The following SPATA6 variants were observed in gnomAD, a reference collection of about 807,000 sequenced individuals.
SPATA6 encodes the protein spermatogenesis-associated protein 6.
In SPATA6, 56 loss-of-function variants were observed where a neutral mutation model predicts 65.3. That is an observed-to-expected ratio of 0.86 (90% CI 0.69 to 1.07). The LOEUF (loss-of-function observed/expected upper bound fraction) is 1.07. Among genes scored for constraint, SPATA6 ranks in the 50% least tolerant of loss-of-function variants. The pLI is 0.00. For missense variants in SPATA6, 590 were observed against 594.8 expected (o/e 0.99, Z 0.08); for synonymous variants, 199 against 213.2 (o/e 0.93, Z 0.58).
intron 3 of SPATA6, among the ~76,000 whole-genome samples, chr1:48,439,817 A>C (rs1184075973): frequency 1.3e-5 from 2 of 152,196 alleles, no homozygotes; most frequent in African/African-American, 4.8e-5. Context: ...CTGAAAAAGC[A>C]GCAGCTTATT....
chr1:48,286,663 G>A, the SPATA6 span, among the ~76,000 whole-genome samples: 159 of 152,012 alleles, frequency 1.0e-3, no homozygotes, highest in African/African-American at 3.7e-3. Flanking sequence ...GATTATTCTG[G>A]CTAGGTAATA....
chr1:48,403,808 G>C lies in SPATA6; in HGVS notation c.480C>G (p.His160Gln). Residue 160 changes from histidine (H) to glutamine (Q), a missense_variant, in exon 6 of 13, where the codon CAC (histidine) becomes CAG (glutamine). Transcript: ENST00000371847. Reference sequence around the variant, plus strand: ...TTATACAAATAATTTTAACCTGAGTGTGGCATTTCCTTGAACTTATCAGAC... The same window carrying C: ...TTATACAAATAATTTTAACCTGAGTCTGGCATTTCCTTGAACTTATCAGAC... ...TECLISSRKC[H>Q]TQDKFIYHLA... is the part of the protein sequence containing the mutation. 1 of 1,603,606 alleles carries C rather than the reference G, an allele frequency of 6.2e-7. No homozygotes were observed. Among genetic ancestry groups the C allele is most frequent in the Non-Finnish European group, 8.5e-7 (1 of 1,175,366 alleles).
intron 8 of SPATA6, among the ~76,000 whole-genome samples, chr1:48,394,663 T>C (rs1375313145): frequency 3.3e-5 from 5 of 151,878 alleles, no homozygotes; most frequent in Non-Finnish European, 4.4e-5. Context: ...AATGATTTTA[T>C]TTTTTTTCAC....
intron 11 of SPATA6, among the ~76,000 whole-genome samples, chr1:48,316,749 C>T (rs367719759): frequency 6.6e-6 from 1 of 152,020 alleles, no homozygotes; most frequent in Non-Finnish European, 1.5e-5. Flanking sequence ...ACAGGCAACC[C>T]ACAGAATGGG....
rs550666956 is a variant in SPATA6, at chr1:48,384,415, A to G, written c.909+894T>C. 4.7e-4 allele frequency among the ~76,000 whole-genome samples: 39 copies of G among 82,636 alleles called. 1 individual carries two copies. The highest frequency in any genetic ancestry group is 2.2e-3 in the African/African-American group (32 of 14,382). The allele number at this position is 82,636 out of a possible 152,430, so 54.2% of individuals were successfully genotyped here. A position where few individuals can be genotyped will look rare whatever the true frequency, so the allele number is the denominator to read the frequency against. ...GAGAGGGAGAGGGAGAGGGAGAGGG[A>G]GAGGGAGAGGGGTTTTTCTTTTGTT... On this transcript the variant is annotated intron_variant, in intron 9 of 12. Transcript: ENST00000371847.
intron 1 of SPATA6, among the ~76,000 whole-genome samples, chr1:48,470,900 TAAG>T (rs1658187961): frequency 6.6e-6 from 1 of 152,034 alleles, no homozygotes; most frequent in East Asian, 1.9e-4. Context: ...ACTTACTGAG[TAAG>T]AAGGAGCGAA....
At chr1:48,454,452 T>C (rs1048943866) in intron 1 of SPATA6, among the ~76,000 whole-genome samples, 2 of 152,180 alleles carry the variant, frequency 1.3e-5, no homozygotes, top group Non-Finnish European at 2.9e-5. Flanking sequence ...GAACATCTCC[T>C]ACACCAAATT....
chr1:48,288,275 G>A, the SPATA6 span, among the ~76,000 whole-genome samples: 1 of 152,138 alleles, frequency 6.6e-6, no homozygotes, highest in African/African-American at 2.4e-5. Flanking sequence ...AAGTGTCTTT[G>A]GAACTGGATC....
chr1:48,354,354 T>C (rs914193123), intron 11 of SPATA6, among the ~76,000 whole-genome samples: 3 of 152,114 alleles, frequency 2.0e-5, no homozygotes, highest in African/African-American at 7.2e-5. Context: ...AAGCTGAGTG[T>C]ACATTCCCTC....
intron 11 of SPATA6, among the ~76,000 whole-genome samples, chr1:48,313,308 C>G (rs1219185602): frequency 2.0e-5 from 3 of 152,164 alleles, no homozygotes; most frequent in African/African-American, 7.2e-5. Flanking sequence ...GGTCGGGTTA[C>G]CCACAAAGGG....
chr1:48,430,451 C>G (rs1378718064), intron 3 of SPATA6, among the ~76,000 whole-genome samples: 1 of 152,110 alleles, frequency 6.6e-6, no homozygotes, highest in Admixed American at 6.5e-5. Context: ...TTTATTACCA[C>G]TAGACCTGTC....
chr1:48,294,121 G>A (rs1644785622), downstream of SPATA6, among the ~76,000 whole-genome samples: 1 of 152,148 alleles, frequency 6.6e-6, no homozygotes, highest in African/African-American at 2.4e-5. Context: ...CTGTCACCTA[G>A]GCTGAAGTGC....
At chr1:48,436,862 C>G (rs1654989160) in intron 3 of SPATA6, 1 of 1,612,302 alleles carries the variant, frequency 6.2e-7, no homozygotes, top group Non-Finnish European at 8.5e-7. Flanking sequence ...CAATCAGAAT[C>G]CAGAATGAAA....
rs1651414897 is a variant in SPATA6 at position 48,403,795 on chromosome 1, T to A, written c.486+7A>T. 1.3e-6 allele frequency: 2 copies of A among 1,594,904 alleles called. No homozygotes were observed. The highest frequency in any genetic ancestry group is 1.1e-5 in the South Asian group (1 of 87,692). On this transcript the variant is annotated splice_region_variant and intron_variant, in intron 6 of 12. Transcript: ENST00000371847. ...ACCATTAAATACTTTATACAAATAA[T>A]TTTAACCTGAGTGTGGCATTTCCTT...
chr1:48,267,045 G>T, the SPATA6 span, among the ~76,000 whole-genome samples: 3 of 151,860 alleles, frequency 2.0e-5, no homozygotes, highest in East Asian at 5.8e-4. Flanking sequence ...AAATATTTTA[G>T]ATGAGTCAAA....
intron 9 of SPATA6, among the ~76,000 whole-genome samples, chr1:48,371,304 TAGATAG>T (rs1647262167): frequency 6.6e-6 from 1 of 152,084 alleles, no homozygotes; most frequent in Non-Finnish European, 1.5e-5. Flanking sequence ...GATAGATAGA[TAGATAG>T]ATAGATATTC....
chr1:48,386,004 C>T (rs1649424421), intron 8 of SPATA6, among the ~76,000 whole-genome samples: 1 of 152,136 alleles, frequency 6.6e-6, no homozygotes, highest in African/African-American at 2.4e-5. Flanking sequence ...TCATCAACAA[C>T]AACATCATTA....
intron 4 of SPATA6, 104 bp downstream of exon 4, chr1:48,413,001 CTATAT>C (rs915631682): frequency 9.7e-6 from 3 of 307,772 alleles, no homozygotes; most frequent in Non-Finnish European, 1.6e-5. Context: ...ATATAATACA[CTATAT>C]TATATCCTTA....
At chr1:48,285,185 G>A in the SPATA6 span, among the ~76,000 whole-genome samples, 145 of 152,220 alleles carry the variant, frequency 9.5e-4, no homozygotes, top group African/African-American at 3.4e-3. Context: ...AGCTGCGGTG[G>A]GCTCCTCCCA....
Sources: allele counts gnomAD v4.1 joint callset (sites outside exome capture counted in the v4.1 genomes callset), GRCh38; gene constraint gnomAD v4.1.1; transcripts MANE v1.5; gene names NCBI Gene and HGNC (gene_info 2026-07-23, HGNC 2026-07-21).